The following SLA variants were observed in gnomAD, a reference collection of about 807,000 sequenced individuals.
SLA encodes src-like-adapter.
In SLA, 16 loss-of-function variants were observed where a neutral mutation model predicts 30.3. That is an observed-to-expected ratio of 0.53 (90% CI 0.36 to 0.80). The LOEUF is 0.80. Among genes scored for constraint, SLA ranks in the 30% least tolerant of loss-of-function variants. The pLI, the probability that SLA is intolerant of heterozygous loss-of-function variation, is 0.01. For missense variants in SLA, 310 were observed against 345.2 expected, an observed-to-expected ratio of 0.90 and a Z score of 0.81; for synonymous variants, 143 against 137.8, an observed-to-expected ratio of 1.04 and a Z score of -0.26.
Position 133,082,729 on chromosome 8 carries a change from G to T in SLA, c.-318-7599C>A, listed in dbSNP as rs534772288. 2.6e-5 allele frequency among the ~76,000 whole-genome samples: 4 copies of T among 152,338 alleles called. No individual in the cohort carries two copies. The South Asian group carries it at 8.3e-4, about 32-fold the overall frequency. On this transcript the variant is annotated intron_variant, in intron 1 of 8. Coordinates refer to ENST00000338087, the MANE Select transcript of SLA (RefSeq NM_001045556.3). ...TAAGTGTGCTTGAACAGCACAAAATGACGGTAGGATCTGTAACAGCATTAT... is the reference window on the plus strand; with the variant it reads ...TAAGTGTGCTTGAACAGCACAAAATTACGGTAGGATCTGTAACAGCATTAT...
intron 7 of SLA, among the ~76,000 whole-genome samples, chr8:133,041,880 C>T (rs1767954584): frequency 6.6e-6 from 1 of 151,118 alleles, no homozygotes; most frequent in African/African-American, 2.4e-5. Context: ...CTCTGCCTCC[C>T]AGGTTCAAGT....
At chr8:133,049,669 T>G in intron 5 of SLA, 1 of 525,058 alleles carries the variant, frequency 1.9e-6, no homozygotes, top group East Asian at 3.4e-5. Flanking sequence ...ATGTTAGAGC[T>G]GAAAGGTCCA....
intron 4 of SLA, 124 bp downstream of exon 4, chr8:133,050,692 C>T: frequency 9.0e-6 from 6 of 669,300 alleles, no homozygotes; most frequent in South Asian, 7.1e-5. Flanking sequence ...TCAAATTTCT[C>T]ACCTCATAAT....
Position 133,094,925 on chromosome 8 carries a change from C to T in SLA, c.-319+7628G>A, listed in dbSNP as rs1385695713. ...CATTGTGTGCAGCCCCAGAATGGGT[C>T]CTGGGACTCCCAAGCTTGGAGGAAG... is the stretch of plus-strand genomic sequence containing the variant. On this transcript the variant is annotated intron_variant, in intron 1 of 8. Coordinates refer to ENST00000338087, the MANE Select transcript of SLA (RefSeq NM_001045556.3). The T allele has an allele frequency of 7.9e-6, 11 of 1,385,392 alleles. No individual in the cohort carries two copies. In the South Asian group the frequency reaches 1.1e-4, roughly 13 times the overall value. 85.8% of individuals were successfully genotyped at this position (1,385,392 alleles called of 1,614,324 possible).
intron 6 of SLA, among the ~76,000 whole-genome samples, chr8:133,046,919 C>G (rs1051035413): frequency 6.6e-6 from 1 of 152,204 alleles, no homozygotes; most frequent in East Asian, 1.9e-4. Context: ...ATGGGAAGTA[C>G]TCTCAGATAG....
At chr8:133,079,051 C>T (rs924581895) in intron 1 of SLA, among the ~76,000 whole-genome samples, 12 of 152,170 alleles carry the variant, frequency 7.9e-5, no homozygotes, top group Admixed American at 3.9e-4. Flanking sequence ...AGATTCCATC[C>T]CAGCAGCTTG....
intron 1 of SLA, chr8:133,095,274 C>A: frequency 1.9e-6 from 3 of 1,611,230 alleles, no homozygotes; most frequent in South Asian, 1.1e-5. Flanking sequence ...AAATGAAGAC[C>A]TAGGAAGGAG....
chr8:133,062,415 G>T (rs1842492012), intron 2 of SLA, among the ~76,000 whole-genome samples: 1 of 152,262 alleles, frequency 6.6e-6, no homozygotes, highest in Non-Finnish European at 1.5e-5. Context: ...AAACACAGCA[G>T]GTGGCGTGAC....
chr8:133,102,399 C>G (rs1849374600), intron 1 of SLA, 154 bp downstream of exon 1: 1 of 630,664 alleles, frequency 1.6e-6, no homozygotes, highest in African/African-American at 1.8e-5. Flanking sequence ...GAGCTACTCA[C>G]CACCAGCAGA....
At chr8:133,043,191 G>T (rs1269519414) in intron 7 of SLA, among the ~76,000 whole-genome samples, 1 of 152,122 alleles carries the variant, frequency 6.6e-6, no homozygotes, top group African/African-American at 2.4e-5. Flanking sequence ...GCTGCACTGG[G>T]GTGAGATATT....
chr8:133,083,916 C>G (rs1439984260), intron 1 of SLA, among the ~76,000 whole-genome samples: 2 of 152,184 alleles, frequency 1.3e-5, no homozygotes, highest in Non-Finnish European at 2.9e-5. Flanking sequence ...GCTCCCCTCT[C>G]TCTGCATGGA....
At chr8:133,054,891 C>A (rs1185251196) in intron 3 of SLA, among the ~76,000 whole-genome samples, 1 of 152,138 alleles carries the variant, frequency 6.6e-6, no homozygotes, top group Non-Finnish European at 1.5e-5. Context: ...GCTGCATGAC[C>A]ATTTCTTTTT....
chr8:133,095,961 G>A (rs537426560), intron 1 of SLA, among the ~76,000 whole-genome samples: 1 of 152,182 alleles, frequency 6.6e-6, no homozygotes, highest in Non-Finnish European at 1.5e-5. Context: ...TCCCTACCTG[G>A]GGATCTGCTG....
In SLA at chr8:133,060,101, C is replaced by T. The variant is rs1842150174; in HGVS notation, c.60G>A (p.Glu20=). ...APAERPLPNP[E]GLDSDFLAVL... is the part of the protein sequence containing the mutation. The stretch of plus-strand genomic sequence containing the variant: ...TCTCACCAGAGAAGCCAGACTTACC[C>T]TCCGGGTTGGGCAGGGGCCTCTCGG... Residue 20 remains glutamate (E), a splice_region_variant and synonymous_variant, in exon 3 of 9, where the codon GAG becomes GAA. Transcript: ENST00000338087. 6.3e-7 allele frequency: 1 copy of T among 1,595,032 alleles called. No homozygotes were observed. Among genetic ancestry groups the T allele is most frequent in the Non-Finnish European group, 8.5e-7 (1 of 1,174,122 alleles).
intron 3 of SLA, among the ~76,000 whole-genome samples, chr8:133,051,757 G>A (rs1042369025): frequency 6.6e-5 from 10 of 152,146 alleles, no homozygotes; most frequent in Admixed American, 2.6e-4. Context: ...ATTAGATGCA[G>A]GGTAATATTT....
chr8:133,095,330 T>A (rs1385076656), intron 1 of SLA: 1 of 1,370,792 alleles, frequency 7.3e-7, no homozygotes, highest in African/African-American at 1.4e-5. Context: ...GATGACCAAC[T>A]GGAGCTGGAA....
intron 1 of SLA, among the ~76,000 whole-genome samples, chr8:133,098,041 C>A (rs1210024308): frequency 3.9e-5 from 6 of 152,092 alleles, no homozygotes; most frequent in Admixed American, 3.9e-4. Flanking sequence ...GGCAAAATAC[C>A]TTTTGTACCT....
chr8:133,092,124 A>G (rs1382685511), intron 1 of SLA, among the ~76,000 whole-genome samples: 4 of 152,110 alleles, frequency 2.6e-5, no homozygotes, highest in Non-Finnish European at 2.9e-5. Flanking sequence ...TAAAAGAGAA[A>G]GAGAATCCTA....
chr8:133,067,075 C>T (rs1045924716), intron 2 of SLA, among the ~76,000 whole-genome samples: 2 of 152,156 alleles, frequency 1.3e-5, no homozygotes, highest in Non-Finnish European at 2.9e-5. Context: ...TGTGGTCTGA[C>T]CCTTCCTTTC....
Sources: gnomAD v4.1 joint callset for allele counts (sites outside exome capture counted in the v4.1 genomes callset) on GRCh38, gnomAD v4.1.1 for gene constraint, MANE v1.5 for transcripts, NCBI Gene and HGNC (gene_info 2026-07-23, HGNC 2026-07-21) for gene names.